DPP10: variants seen among roughly 807,000 people sequenced by gnomAD.
The protein encoded by DPP10 is dipeptidyl peptidase like 10.
A neutral mutation model predicts 120.9 loss-of-function variants in DPP10; 33 were observed. That is an observed-to-expected ratio of 0.27 (90% CI 0.21 to 0.37). The LOEUF (loss-of-function observed/expected upper bound fraction) is 0.37, where lower values mean the gene tolerates loss of function less well. Among genes scored for constraint, DPP10 ranks in the 10% least tolerant of loss-of-function variants. DPP10 has a pLI of 1.00. For missense variants in DPP10, 816 were observed against 942.8 expected, an observed-to-expected ratio of 0.87 and a Z score of 1.76; for synonymous variants, 337 against 326.1, an observed-to-expected ratio of 1.03 and a Z score of -0.36.
At chr2:115,516,357 CTAAAATTATTCTTTTCCTTTATTT>C (rs2077502324) in intron 4 of DPP10, among the ~76,000 whole-genome samples, 1 of 152,002 alleles carries the variant, frequency 6.6e-6, no homozygotes, top group African/African-American at 2.4e-5. Flanking sequence ...GGATGTAAAT[CTAAAATTATTCTTTTCCTTTATTT>C]TTGTTATTTG....
chr2:115,470,407 A>C (rs2074628499), intron 3 of DPP10, among the ~76,000 whole-genome samples: 1 of 151,076 alleles, frequency 6.6e-6, no homozygotes, highest in Non-Finnish European at 1.5e-5. Context: ...CCAGGGTTTC[A>C]TGGCACAGAA....
At chr2:114,523,610 G>A (rs1456830385) in intron 1 of DPP10, among the ~76,000 whole-genome samples, 1 of 152,216 alleles carries the variant, frequency 6.6e-6, no homozygotes, top group African/African-American at 2.4e-5. Context: ...AAGAGGCGCT[G>A]TAGAGGGAAA....
At position 115,350,576 on chromosome 2, in the gene DPP10, T is replaced by C. The variant is rs562810406; in HGVS notation, c.271+6664T>C. Reference sequence around the variant, plus strand: ...TAATTTTGTTATTCTGCCTGTGCCTTTTTTCTCAGAGATCTGTATGAAAAG... The same window carrying C: ...TAATTTTGTTATTCTGCCTGTGCCTCTTTTCTCAGAGATCTGTATGAAAAG... On this transcript the variant is annotated intron_variant, in intron 3 of 25. Transcript: ENST00000410059. Among the ~76,000 whole-genome samples, 18 of 152,184 alleles carry C rather than the reference T, an allele frequency of 1.2e-4. 1 individual carries two copies. In the South Asian group the frequency reaches 3.7e-3, roughly 32 times the overall value.
At chr2:115,782,456 C>T (rs1161990376) in intron 17 of DPP10, 57 bp downstream of exon 17, 9 of 1,476,662 alleles carry the variant, frequency 6.1e-6, no homozygotes, top group South Asian at 1.1e-5. Flanking sequence ...TCTTAGACAT[C>T]GTGTTATCTA....
intron 1 of DPP10, among the ~76,000 whole-genome samples, chr2:115,060,539 C>G (rs1171011822): frequency 6.6e-6 from 1 of 152,244 alleles, no homozygotes; most frequent in East Asian, 1.9e-4. Flanking sequence ...CTGCAGTGAG[C>G]GGAGACTGTG....
chr2:114,444,200 A>C (rs1349593500), intron 1 of DPP10, among the ~76,000 whole-genome samples: 1 of 152,158 alleles, frequency 6.6e-6, no homozygotes, highest in Non-Finnish European at 1.5e-5. Flanking sequence ...AGAAATAAAA[A>C]ATGTTGAGCT....
chr2:114,828,652 G>T (rs1370692114), intron 1 of DPP10: 1 of 152,190 alleles, frequency 6.6e-6, no homozygotes, highest in Non-Finnish European at 1.5e-5. Flanking sequence ...AGCAGCATGT[G>T]CTGTTTGGTA....
intron 1 of DPP10, among the ~76,000 whole-genome samples, chr2:114,750,876 T>C (rs554684850): frequency 1.3e-5 from 2 of 152,344 alleles, no homozygotes; most frequent in Non-Finnish European, 2.9e-5. Context: ...TGTATGTGAT[T>C]ACAAGTTTTG....
chr2:115,531,474 T>C (rs2078461370), intron 5 of DPP10, among the ~76,000 whole-genome samples: 1 of 152,088 alleles, frequency 6.6e-6, no homozygotes, highest in Admixed American at 6.6e-5. Context: ...CTGTTTTTCT[T>C]TAGTTTTTCA....
intron 10 of DPP10, among the ~76,000 whole-genome samples, chr2:115,749,270 A>T (rs1168481792): frequency 6.6e-6 from 1 of 152,212 alleles, no homozygotes; most frequent in Non-Finnish European, 1.5e-5. Context: ...CACAGATTGG[A>T]TAAGTCACAT....
intron 1 of DPP10, among the ~76,000 whole-genome samples, chr2:114,485,259 G>GT (rs1411079465): frequency 6.6e-6 from 1 of 152,154 alleles, no homozygotes; most frequent in East Asian, 1.9e-4. Context: ...CAGGACAGCT[G>GT]CCGTTCTACA....
chr2:114,809,824 A>T (rs1006399822), intron 1 of DPP10, among the ~76,000 whole-genome samples: 2 of 152,162 alleles, frequency 1.3e-5, no homozygotes, highest in Non-Finnish European at 2.9e-5. Flanking sequence ...TCCCCAGGTG[A>T]TGCAGATGCT....
intron 3 of DPP10, among the ~76,000 whole-genome samples, chr2:115,368,102 C>G (rs115433139): frequency 0.042 from 6,404 of 152,236 alleles, 206 homozygotes; most frequent in Middle Eastern, 0.072. Flanking sequence ...TGAAGGTTTA[C>G]CTGAACTCCT....
chr2:115,011,769 G>A (rs537677157), intron 1 of DPP10, among the ~76,000 whole-genome samples: 119 of 152,270 alleles, frequency 7.8e-4, no homozygotes, highest in African/African-American at 2.8e-3. Flanking sequence ...TACCAGGAAA[G>A]CTAAGAGAAT....
chr2:115,234,234 AAAT>A (rs534994613), intron 1 of DPP10, among the ~76,000 whole-genome samples: 85 of 152,250 alleles, frequency 5.6e-4, no homozygotes, highest in African/African-American at 1.9e-3. Flanking sequence ...CACATACCTG[AAAT>A]AATAATAGTA....
intron 1 of DPP10, among the ~76,000 whole-genome samples, chr2:115,024,694 A>AAT (rs1161079473): frequency 1.1e-4 from 17 of 147,860 alleles, no homozygotes; most frequent in Non-Finnish European, 1.8e-4. Flanking sequence ...CAGAACCTTA[A>AAT]ATATATATAT....
chr2:114,933,725 G>T (rs993112350), intron 1 of DPP10, among the ~76,000 whole-genome samples: 2 of 152,170 alleles, frequency 1.3e-5, no homozygotes, highest in Non-Finnish European at 2.9e-5. Flanking sequence ...TTGGAAGAGA[G>T]GTTCTCTTAC....
chr2:115,384,465 G>T (rs991831288), intron 3 of DPP10, among the ~76,000 whole-genome samples: 2 of 67,024 alleles, frequency 3.0e-5, no homozygotes, highest in Non-Finnish European at 7.3e-5. Flanking sequence ...GAAGGAAGAA[G>T]AAGGAAGAAG....
intron 1 of DPP10, among the ~76,000 whole-genome samples, chr2:115,211,687 C>T (rs2056524602): frequency 6.6e-6 from 1 of 151,860 alleles, no homozygotes; most frequent in South Asian, 2.1e-4. Flanking sequence ...TTGACAGAAG[C>T]AATAACAATT....
Sources: gnomAD v4.1 joint callset for allele counts (sites outside exome capture counted in the v4.1 genomes callset) on GRCh38, gnomAD v4.1.1 for gene constraint, MANE v1.5 for transcripts, NCBI Gene and HGNC (gene_info 2026-07-23, HGNC 2026-07-21) for gene names.